Variants in OPCML observed in about 807,000 individuals in gnomAD.
OPCML encodes the protein opioid-binding protein/cell adhesion molecule.
In OPCML, 13 loss-of-function variants were observed where a neutral mutation model predicts 37.8. That is an observed-to-expected ratio of 0.34 (90% CI 0.22 to 0.55). OPCML has a LOEUF of 0.55. Ranked by LOEUF, OPCML falls within the 20% of genes least tolerant of loss-of-function variation. The probability of loss-of-function intolerance (pLI) is 0.91; values close to 1 mark genes in which losing one functional copy is unlikely to be tolerated. For missense variants in OPCML, 341 were observed against 435.6 expected (o/e 0.78, Z 1.93); for synonymous variants, 176 against 168.8 (o/e 1.04, Z -0.33).
intron 1 of OPCML, among the ~76,000 whole-genome samples, chr11:133,491,439 G>A (rs755588732): frequency 9.9e-5 from 15 of 152,146 alleles, no homozygotes; most frequent in Non-Finnish European, 1.6e-4. Flanking sequence ...GAAGAGGCTG[G>A]GCTGGGAACA....
At chr11:133,329,225 G>A (rs1035855065) in intron 1 of OPCML, among the ~76,000 whole-genome samples, 2 of 152,130 alleles carry the variant, frequency 1.3e-5, no homozygotes, top group Non-Finnish European at 2.9e-5. Context: ...TCATGGGTAG[G>A]GAGAATCAAT....
At chr11:132,525,936 T>C (rs1003707149) in intron 4 of OPCML, 6 of 152,152 alleles carry the variant, frequency 3.9e-5, no homozygotes, top group Admixed American at 6.5e-5. Context: ...GGGAAGACAA[T>C]AGTGAAAATT....
At chr11:133,109,003 T>TTACC (rs1215503968) in intron 1 of OPCML, among the ~76,000 whole-genome samples, 1 of 152,168 alleles carries the variant, frequency 6.6e-6, no homozygotes, top group Non-Finnish European at 1.5e-5. Context: ...TTACCTGCGT[T>TTACC]TACCTGTTTT....
chr11:132,694,009 G>A (rs1406907760), intron 2 of OPCML, among the ~76,000 whole-genome samples: 1 of 151,912 alleles, frequency 6.6e-6, no homozygotes, highest in African/African-American at 2.4e-5. Context: ...CCAGAAATTA[G>A]AATACAAACC....
At chr11:132,651,620 G>C (rs1349487894) in intron 3 of OPCML, among the ~76,000 whole-genome samples, 1 of 152,154 alleles carries the variant, frequency 6.6e-6, no homozygotes, top group South Asian at 2.1e-4. Context: ...CTGAGATAAC[G>C]TTTATACTTA....
At chr11:132,953,079 T>C (rs1945896457) in intron 1 of OPCML, among the ~76,000 whole-genome samples, 1 of 152,188 alleles carries the variant, frequency 6.6e-6, no homozygotes, top group Non-Finnish European at 1.5e-5. Flanking sequence ...CTAAGGAGTA[T>C]AACATCAGCC....
intron 1 of OPCML, among the ~76,000 whole-genome samples, chr11:133,078,881 C>T (rs1948666022): frequency 6.6e-6 from 1 of 152,142 alleles, no homozygotes; most frequent in South Asian, 2.1e-4. Context: ...CTATGCTATT[C>T]TTTTACTGCT....
At chr11:132,874,829 C>A (rs1173300076) in intron 2 of OPCML, among the ~76,000 whole-genome samples, 1 of 151,152 alleles carries the variant, frequency 6.6e-6, no homozygotes, top group Middle Eastern at 3.2e-3. Context: ...ACTGCTCACT[C>A]AGACAGTGAG....
At chr11:133,204,931 C>A (rs1938998174) in intron 1 of OPCML, among the ~76,000 whole-genome samples, 3 of 124,098 alleles carry the variant, frequency 2.4e-5, no homozygotes, top group Admixed American at 1.8e-4. Context: ...TAGATATGGT[C>A]TTTGTCCTCT....
intron 1 of OPCML, among the ~76,000 whole-genome samples, chr11:133,051,054 T>TAC (rs1158307740): frequency 1.1e-5 from 1 of 91,654 alleles, no homozygotes. Context: ...TCCATGTGTG[T>TAC]ACATACACAC....
intron 1 of OPCML, among the ~76,000 whole-genome samples, chr11:133,233,841 G>C (rs1476522081): frequency 6.6e-6 from 1 of 152,136 alleles, no homozygotes; most frequent in African/African-American, 2.4e-5. Flanking sequence ...TCAGAAAGTA[G>C]AGGAAAGGTC....
chr11:132,752,937 T>A (rs1945889123), intron 2 of OPCML, among the ~76,000 whole-genome samples: 1 of 152,218 alleles, frequency 6.6e-6, no homozygotes, highest in African/African-American at 2.4e-5. Flanking sequence ...TCATAGCCAC[T>A]AATCTTATCC....
chr11:132,781,830 C>T (rs902082871), intron 2 of OPCML, among the ~76,000 whole-genome samples: 3 of 151,042 alleles, frequency 2.0e-5, no homozygotes, highest in African/African-American at 4.9e-5. Context: ...GAGCTCAATA[C>T]AAATTTAACA....
intron 1 of OPCML, among the ~76,000 whole-genome samples, chr11:133,013,138 TC>T (rs1272391817): frequency 6.6e-6 from 1 of 152,186 alleles, no homozygotes; most frequent in East Asian, 1.9e-4. Flanking sequence ...GGACCATTTT[TC>T]CGGTGGAGCC....
At chr11:132,939,626 C>T (rs1341740026) in intron 2 of OPCML, among the ~76,000 whole-genome samples, 1 of 152,168 alleles carries the variant, frequency 6.6e-6, no homozygotes, top group East Asian at 1.9e-4. Context: ...TGTGGACCCA[C>T]AGAAGAACTC....
At chr11:132,961,487 G>A (rs1167900413) in intron 1 of OPCML, among the ~76,000 whole-genome samples, 2 of 152,188 alleles carry the variant, frequency 1.3e-5, no homozygotes, top group Non-Finnish European at 1.5e-5. Context: ...AGAGTCAAGC[G>A]ATGCTATTCG....
chr11:133,065,153 G>C (rs1948421052), intron 1 of OPCML: 1 of 152,618 alleles, frequency 6.6e-6, no homozygotes, highest in Non-Finnish European at 1.5e-5. Context: ...AGTCCCGCAG[G>C]AGGAAGGCGG....
At chr11:133,295,601 G>A (rs1023706747) in intron 1 of OPCML, among the ~76,000 whole-genome samples, 2 of 152,148 alleles carry the variant, frequency 1.3e-5, no homozygotes, top group African/African-American at 2.4e-5. Context: ...TCAAGTAAAA[G>A]CAAGTTTATT....
intron 2 of OPCML, among the ~76,000 whole-genome samples, chr11:132,860,997 A>G (rs1591715872): frequency 6.6e-6 from 1 of 152,334 alleles, no homozygotes; most frequent in South Asian, 2.1e-4. Context: ...ACAAACTAAT[A>G]TATTGTACAA....
Sources: allele counts gnomAD v4.1 joint callset (sites outside exome capture counted in the v4.1 genomes callset), GRCh38; gene constraint gnomAD v4.1.1; transcripts MANE v1.5; gene names NCBI Gene and HGNC (gene_info 2026-07-23, HGNC 2026-07-21).